The following FUCA1 variants were observed in gnomAD, a reference collection of about 807,000 sequenced individuals.
The protein encoded by FUCA1 is alpha-L-fucosidase 1.
Under a neutral mutation model 56.8 loss-of-function variants are expected in FUCA1, and 52 were observed. The observed-to-expected ratio is 0.92, with a 90% CI of 0.73 to 1.15. The LOEUF (loss-of-function observed/expected upper bound fraction) is 1.15, where lower values mean the gene tolerates loss of function less well. Ranked by LOEUF, FUCA1 falls within the 50% of genes most tolerant of loss-of-function variation. The pLI is 0.00. For missense variants in FUCA1, 568 were observed against 592.6 expected, an observed-to-expected ratio of 0.96 and a Z score of 0.43; for synonymous variants, 230 against 226.6, an observed-to-expected ratio of 1.02 and a Z score of -0.14.
chr1:23,852,817 C>T (rs528829799), intron 5 of FUCA1, among the ~76,000 whole-genome samples: 11 of 151,298 alleles, frequency 7.3e-5, no homozygotes, highest in South Asian at 2.1e-4. Flanking sequence ...GCGTGATCTC[C>T]GCTCGCTACA....
In FUCA1 at chr1:23,854,316, TA is replaced by T. The variant is rs55699941; in HGVS notation, c.969+43del. The T allele has an allele frequency of 0.18, 207,753 of 1,149,418 alleles. 1,580 individuals carry two copies. The highest frequency in any genetic ancestry group is 0.26 in the East Asian group (8,959 of 34,574). 71.2% of individuals were successfully genotyped at this position (1,149,418 alleles called of 1,614,324 possible). A position where few individuals can be genotyped will look rare whatever the true frequency, so the allele number is the denominator to read the frequency against. On this transcript the variant is annotated intron_variant, in intron 5 of 7. Coordinates refer to ENST00000374479, the MANE Select transcript of FUCA1 (RefSeq NM_000147.5). ...ATATAAAATAAATCATACTGCATGT[TA>T]AAAAAAAAAAAACAAAAACAAAAAA...
Position 23,846,845 on chromosome 1 carries a change from G to A in FUCA1, c.1161-672C>T, listed in dbSNP as rs529463177. Among the ~76,000 whole-genome samples, 38 of 152,290 alleles carry A rather than the reference G, an allele frequency of 2.5e-4. No homozygotes were observed. The South Asian group carries it at 7.9e-3, about 32-fold the overall frequency. ...GATCCACCCGCCTCGGCCTCCCAAA[G>A]TGTTCGGATTACAGGCGTGAGTCAC... On this transcript the variant is annotated intron_variant, in intron 6 of 7. Transcript: ENST00000374479.
intron 6 of FUCA1, among the ~76,000 whole-genome samples, chr1:23,848,007 G>T (rs1639177153): frequency 6.6e-6 from 1 of 152,122 alleles, no homozygotes; most frequent in Admixed American, 6.6e-5. Context: ...GGGTGACAGA[G>T]TGAGACTGTC....
intron 5 of FUCA1, among the ~76,000 whole-genome samples, chr1:23,850,677 G>A (rs377402258): frequency 2.0e-5 from 3 of 151,988 alleles, no homozygotes; most frequent in South Asian, 4.2e-4. Flanking sequence ...TAGTAGAGAC[G>A]GGGTTTCACC....
At chr1:23,853,723 A>C (rs1639327802) in intron 5 of FUCA1, among the ~76,000 whole-genome samples, 2 of 151,090 alleles carry the variant, frequency 1.3e-5, no homozygotes, top group Admixed American at 1.3e-4. Flanking sequence ...GTACTAAGAA[A>C]AATTCTTCTG....
chr1:23,859,344 A>G (rs184629666), intron 4 of FUCA1, among the ~76,000 whole-genome samples: 1 of 152,256 alleles, frequency 6.6e-6, no homozygotes, highest in East Asian at 1.9e-4. Flanking sequence ...AGGTGAGCGG[A>G]TCACCAGAGG....
chr1:23,847,730 A>G (rs952375579), intron 6 of FUCA1, among the ~76,000 whole-genome samples: 1 of 152,274 alleles, frequency 6.6e-6, no homozygotes, highest in Admixed American at 6.5e-5. Context: ...TTTAAAAATT[A>G]TCCAGTCTAA....
intron 5 of FUCA1, among the ~76,000 whole-genome samples, chr1:23,853,130 C>G (rs1639304284): frequency 6.7e-6 from 1 of 149,014 alleles, no homozygotes; most frequent in Non-Finnish European, 1.5e-5. Context: ...GCCCCGCCGC[C>G]CCGTCTGGGA....
At position 23,848,653 on chromosome 1, in the gene FUCA1, C is replaced by A. The variant is rs1272462507; in HGVS notation, c.1156G>T (p.Val386Leu). The part of the protein sequence containing the change: ...RVQWEKNTTS[V>L]WYTSKGSAVY... ...ACAACAGAAGACAAGACTCACCATA[C>A]AGATGTTGTGTTCTTTTCCCATTGC... is the stretch of plus-strand genomic sequence containing the variant. Residue 386 changes from valine to leucine, a missense_variant, in exon 6 of 8, where the codon GTA becomes TTA. Coordinates refer to ENST00000374479, the MANE Select transcript of FUCA1 (RefSeq NM_000147.5). 29 of 1,614,120 alleles carry A rather than the reference C, an allele frequency of 1.8e-5. No individual in the cohort carries two copies. Among genetic ancestry groups the A allele is most frequent in the Non-Finnish European group, 2.3e-5 (27 of 1,179,976 alleles).
Position 23,868,173 on chromosome 1 carries a change from G to A in FUCA1, c.114C>T (p.Thr38=). ...VRRAQPPRRY[T]PDWPSLDSRP... is the part of the protein sequence containing the mutation. ...GAGAATCCAGGCTCGGCCAGTCTGG[G>A]GTGTAGCGGCGCGGAGGCTGGGCCC... is the stretch of plus-strand genomic sequence containing the variant. Residue 38 remains threonine, a synonymous_variant, in exon 1 of 8, where the codon ACC becomes ACT. Coordinates refer to ENST00000374479, the MANE Select transcript of FUCA1 (RefSeq NM_000147.5). 6.2e-7 allele frequency: 1 copy of A among 1,607,324 alleles called. No individual in the cohort carries two copies. Among genetic ancestry groups the A allele is most frequent in the Non-Finnish European group, 8.5e-7 (1 of 1,177,862 alleles).
chr1:23,847,603 T>G (rs10917431), intron 6 of FUCA1, among the ~76,000 whole-genome samples: 55,592 of 152,054 alleles, frequency 0.37, 10,695 homozygotes, highest in East Asian at 0.48. Context: ...TGAGTGGACA[T>G]GCCCACTCTC....
At chr1:23,863,642 A>G (rs1159561843) in intron 2 of FUCA1, among the ~76,000 whole-genome samples, 1 of 152,180 alleles carries the variant, frequency 6.6e-6, no homozygotes. Flanking sequence ...CCTTGAGTCC[A>G]TGAGTTTGAG....
At chr1:23,859,681 C>T in intron 4 of FUCA1, 117 bp downstream of exon 4, 1 of 705,462 alleles carries the variant, frequency 1.4e-6, no homozygotes, top group South Asian at 1.5e-5. Flanking sequence ...TCCCTACTGC[C>T]CCCATGTTGA....
In FUCA1 at chr1:23,845,666, G is replaced by A. The variant is rs748920982; in HGVS notation, c.*49C>T. 8.1e-6 allele frequency: 13 copies of A among 1,612,150 alleles called. No homozygotes were observed. The highest frequency in any genetic ancestry group is 1.1e-5 in the Non-Finnish European group (13 of 1,178,336). On this transcript the variant is annotated 3_prime_UTR_variant, in exon 8 of 8. Transcript: ENST00000374479. Reference sequence around the variant, plus strand: ...GTGATGGTACTATAAGAGAAAAACTGAAGCAGGAAAACAGTGAGCAGCGCC... The same window carrying A: ...GTGATGGTACTATAAGAGAAAAACTAAAGCAGGAAAACAGTGAGCAGCGCC...
At chr1:23,860,643 CT>C (rs1486710314) in intron 3 of FUCA1, among the ~76,000 whole-genome samples, 3 of 142,068 alleles carry the variant, frequency 2.1e-5, no homozygotes, top group Admixed American at 7.1e-5. Context: ...CTTTTCCTTT[CT>C]TCCTTTTTTT....
chr1:23,853,108 G>A (rs1481415589), intron 5 of FUCA1, among the ~76,000 whole-genome samples: 2 of 145,614 alleles, frequency 1.4e-5, no homozygotes, highest in African/African-American at 2.6e-5. Flanking sequence ...CTGAGATGTG[G>A]GGAGCGCCTC....
At chr1:23,852,167 G>GT (rs974150459) in intron 5 of FUCA1, among the ~76,000 whole-genome samples, 1 of 151,922 alleles carries the variant, frequency 6.6e-6, no homozygotes, top group Admixed American at 6.6e-5. Context: ...GCTCATGCCT[G>GT]TAATCCAGTG....
intron 6 of FUCA1, among the ~76,000 whole-genome samples, chr1:23,847,245 T>C (rs1250544946): frequency 2.6e-5 from 4 of 152,222 alleles, no homozygotes; most frequent in African/African-American, 4.8e-5. Flanking sequence ...TACCTTATTA[T>C]TCAAATCTCT....
chr1:23,863,688 C>CA (rs2148447950), intron 2 of FUCA1, among the ~76,000 whole-genome samples: 1 of 152,086 alleles, frequency 6.6e-6, no homozygotes. Context: ...CTTGTCTCCA[C>CA]AAAAACTGTA....
Sources: gnomAD v4.1 joint callset for allele counts (sites outside exome capture counted in the v4.1 genomes callset) on GRCh38, gnomAD v4.1.1 for gene constraint, MANE v1.5 for transcripts, NCBI Gene and HGNC (gene_info 2026-07-23, HGNC 2026-07-21) for gene names.